The following USP40 variants were observed in gnomAD, a reference collection of about 807,000 sequenced individuals.
USP40 encodes the protein ubiquitin carboxyl-terminal hydrolase 40.
A neutral mutation model predicts 166.2 loss-of-function variants in USP40; 143 were observed. The ratio of observed to expected loss-of-function variants is 0.86; its 90% CI spans 0.75 to 0.99. The LOEUF is 0.99. Among genes scored for constraint, USP40 ranks in the 50% least tolerant of loss-of-function variants. USP40 has a pLI of 0.00. For missense variants in USP40, 1,444 were observed against 1,479.7 expected (o/e 0.98, Z 0.40); for synonymous variants, 498 against 524.0 (o/e 0.95, Z 0.68).
chr2:233,538,661 G>A (rs2069118673), intron 10 of USP40, among the ~76,000 whole-genome samples: 1 of 152,132 alleles, frequency 6.6e-6, no homozygotes, highest in African/African-American at 2.4e-5. Flanking sequence ...GTATAAGAAA[G>A]CTTATATGGC....
At chr2:233,535,844 T>C in intron 10 of USP40, among the ~76,000 whole-genome samples, 1 of 152,168 alleles carries the variant, frequency 6.6e-6, no homozygotes, top group African/African-American at 2.4e-5. Context: ...CACAGTATGG[T>C]AAATACAGAA....
chr2:233,537,288 C>G (rs1350012330), intron 10 of USP40, among the ~76,000 whole-genome samples: 1 of 152,132 alleles, frequency 6.6e-6, no homozygotes, highest in Admixed American at 6.6e-5. Flanking sequence ...ACTTGAGCAT[C>G]TGCAGATGTG....
At chr2:233,511,846 C>T (rs1332806283) in intron 19 of USP40, 49 bp from the exon 20 acceptor site, 2 of 1,395,658 alleles carry the variant, frequency 1.4e-6, no homozygotes, top group Non-Finnish European at 2.0e-6. Flanking sequence ...TCCTAGCTCT[C>T]TAAGAAAAAT....
chr2:233,525,019 C>T (rs531809061), intron 14 of USP40, among the ~76,000 whole-genome samples: 74 of 152,256 alleles, frequency 4.9e-4, no homozygotes, highest in African/African-American at 1.5e-3. Context: ...ATGTTACTGC[C>T]GCTACTGTTA....
chr2:233,493,187 A>G lies in USP40; in HGVS notation c.2917+238T>C, dbSNP rs147207321. 22 of 571,486 alleles carry G rather than the reference A, an allele frequency of 3.8e-5. No homozygotes were observed. Among genetic ancestry groups the G allele is most frequent in the East Asian group, 3.3e-4 (12 of 35,930 alleles). The allele number at this position is 571,486 out of a possible 1,614,324, so 35.4% of individuals were successfully genotyped here. ...TAAAAGTCTTTGGAAAGTGTAATAT[A>G]TTGATATAATAATAAACAACAAGAT... On this transcript the variant is annotated intron_variant, in intron 25 of 31. Transcript: ENST00000678225. The surrounding 1 kb of genome is among the most constrained non-coding windows in gnomAD (Gnocchi z 4.7).
chr2:233,489,632 G>A, intron 26 of USP40, 149 bp from the exon 27 acceptor site: 1 of 670,620 alleles, frequency 1.5e-6, no homozygotes, highest in Non-Finnish European at 2.5e-6. Flanking sequence ...AAAGTCACAG[G>A]AATCTCTCTC....
rs889836703 is a variant in USP40 at position 233,476,930 on chromosome 2, C to T, written c.*462G>A. On this transcript the variant is annotated 3_prime_UTR_variant, in exon 32 of 32. Transcript: ENST00000678225. ...TCTGCCCGCTTCTGCTCAGCACCAG[C>T]GCGGTGGCGCAGTGGCCTGAGACAC... 1 of 265,904 alleles carries T rather than the reference C, an allele frequency of 3.8e-6. No individual in the cohort carries two copies. Among genetic ancestry groups the T allele is most frequent in the Non-Finnish European group, 7.3e-6 (1 of 136,190 alleles). The allele number at this position is 265,904 out of a possible 1,614,324, so 16.5% of individuals were successfully genotyped here. A position where few individuals can be genotyped will look rare whatever the true frequency, so the allele number is the denominator to read the frequency against.
intron 28 of USP40, 37 bp downstream of exon 28, chr2:233,488,202 G>T (rs1443354441): frequency 1.9e-6 from 3 of 1,554,264 alleles, no homozygotes; most frequent in African/African-American, 2.7e-5. Flanking sequence ...GTTAAGATAC[G>T]TGTGTGTCAC....
At chr2:233,494,932 A>T (rs1401526396) in intron 24 of USP40, among the ~76,000 whole-genome samples, 8 of 37,824 alleles carry the variant, frequency 2.1e-4, no homozygotes, top group African/African-American at 1.0e-3. Flanking sequence ...ATATATATAT[A>T]TATATATATA....
chr2:233,556,712 G>T, intron 5 of USP40, 143 bp downstream of exon 5: 1 of 666,606 alleles, frequency 1.5e-6, no homozygotes. Context: ...TCATGATTTA[G>T]GTGTAGTTAG....
intron 18 of USP40, among the ~76,000 whole-genome samples, chr2:233,516,487 G>C (rs1025986736): frequency 6.6e-6 from 1 of 152,090 alleles, no homozygotes; most frequent in Non-Finnish European, 1.5e-5. Flanking sequence ...CACGAGGTCA[G>C]CAGATCAAGA....
At chr2:233,518,983 A>C (rs2067458261) in intron 18 of USP40, among the ~76,000 whole-genome samples, 1 of 152,202 alleles carries the variant, frequency 6.6e-6, no homozygotes, top group African/African-American at 2.4e-5. Context: ...AACCTCAAAA[A>C]TGATATGCTA....
intron 12 of USP40, among the ~76,000 whole-genome samples, chr2:233,528,333 C>T (rs1050504783): frequency 1.3e-5 from 2 of 152,132 alleles, no homozygotes; most frequent in Admixed American, 1.3e-4. Context: ...ATTATCCAGG[C>T]TAAAAGTCCT....
rs2065294863 is a variant in USP40, at chr2:233,490,964, G to C, written c.3012+203C>G. The C allele has an allele frequency of 1.0e-5, 7 of 699,278 alleles. No individual in the cohort carries two copies. In the South Asian group the frequency reaches 1.1e-4, roughly 11 times the overall value. 43.3% of individuals were successfully genotyped at this position (699,278 alleles called of 1,614,324 possible). A position where few individuals can be genotyped will look rare whatever the true frequency, so the allele number is the denominator to read the frequency against. On this transcript the variant is annotated intron_variant, in intron 26 of 31. Transcript: ENST00000678225. The stretch of plus-strand genomic sequence containing the variant: ...AAACAAAAGCACAGCATGCCTGTCA[G>C]AGGAGGGACCAGTGAGGCCACGAGG...
chr2:233,537,105 A>C (rs1246064940), intron 10 of USP40, among the ~76,000 whole-genome samples: 3 of 152,102 alleles, frequency 2.0e-5, no homozygotes, highest in East Asian at 1.9e-4. Context: ...ACTGGTCTTA[A>C]ACTCCTGGGC....
intron 4 of USP40, 144 bp downstream of exon 4, chr2:233,559,667 T>C (rs2071402307): frequency 3.9e-6 from 2 of 510,714 alleles, no homozygotes; most frequent in Non-Finnish European, 6.7e-6. Context: ...ATTTCTGGCT[T>C]GTAATTTTTT....
chr2:233,510,159 A>G, intron 20 of USP40, 24 bp from the exon 21 acceptor site: 1 of 1,512,242 alleles, frequency 6.6e-7, no homozygotes, highest in Non-Finnish European at 9.1e-7. Context: ...AGATGTGTAA[A>G]TGCAATTTAA....
chr2:233,498,586 C>A lies in USP40; in HGVS notation c.2677G>T (p.Asp893Tyr), dbSNP rs1457792865. 8 of 1,613,276 alleles carry A rather than the reference C, an allele frequency of 5.0e-6. No individual in the cohort carries two copies. Among genetic ancestry groups the A allele is most frequent in the Non-Finnish European group, 5.9e-6 (7 of 1,179,618 alleles). ...GGCTCTCCAGCTTCATAGCACCAAT[C>A]CATTTTTCGTAAATGCCAGGCATCT... The part of the protein sequence containing the change: ...QGDAWHLRKM[D>Y]WCYEAGEPLC... Residue 893 changes from aspartate to tyrosine, a missense_variant, in exon 23 of 32, where the codon GAT becomes TAT. Transcript: ENST00000678225.
At chr2:233,496,455 T>C (rs1257321556) in intron 24 of USP40, among the ~76,000 whole-genome samples, 1 of 152,222 alleles carries the variant, frequency 6.6e-6, no homozygotes, top group Non-Finnish European at 1.5e-5. Context: ...AATGAGGATA[T>C]AGATCAATTA....
Sources: allele counts gnomAD v4.1 joint callset (sites outside exome capture counted in the v4.1 genomes callset), GRCh38; gene constraint gnomAD v4.1.1; non-coding constraint Gnocchi (gnomAD v3.1); transcripts MANE v1.5; gene names NCBI Gene and HGNC (gene_info 2026-07-23, HGNC 2026-07-21).